The following ZNF227 variants were observed in gnomAD, a reference collection of about 807,000 sequenced individuals.
The protein encoded by ZNF227 is zinc finger protein 227.
Under a neutral mutation model 13.2 loss-of-function variants are expected in ZNF227, and 12 were observed. The observed-to-expected ratio is 0.91, with a 90% CI of 0.58 to 1.47. ZNF227 has a LOEUF of 1.47. Among genes scored for constraint, ZNF227 ranks in the 40% most tolerant of loss-of-function variants. The pLI, the probability that ZNF227 is intolerant of heterozygous loss-of-function variation, is 0.00. For synonymous variants in ZNF227, 338 were observed against 326.0 expected (o/e 1.04, Z -0.40); for missense variants, 885 against 967.5 (o/e 0.91, Z 1.13).
chr19:44,211,155 G>A (rs10405281), upstream of ZNF227, among the ~76,000 whole-genome samples: 25,459 of 151,274 alleles, frequency 0.17, 5,376 homozygotes, highest in African/African-American at 0.49. Context: ...ATGAGCCGAG[G>A]TCATGCCACT....
intron 2 of ZNF227, among the ~76,000 whole-genome samples, chr19:44,217,243 C>T (rs1971989096): frequency 6.6e-6 from 1 of 151,996 alleles, no homozygotes; most frequent in Non-Finnish European, 1.5e-5. Flanking sequence ...GGATTACAAG[C>T]ATGAGCCACT....
chr19:44,229,753 G>T lies in ZNF227; in HGVS notation c.208G>T (p.Asp70Tyr). 6.3e-7 allele frequency: 1 copy of T among 1,587,754 alleles called. No individual in the cohort carries two copies. The highest frequency in any genetic ancestry group is 8.6e-7 in the Non-Finnish European group (1 of 1,163,022). ...VAVGHLPFQPDMVSQLEAEEK... is the reference protein window; with the variant it reads ...VAVGHLPFQPYMVSQLEAEEK... ...CATAGGGCATCTTCCCTTCCAACCA[G>T]ATATGGTATCCCAATTGGAAGCAGA... The change falls in exon 5 of 6, where the codon GAT (aspartate) becomes TAT (tyrosine). Residue 70 changes from aspartate (D) to tyrosine (Y), a missense_variant. Transcript: ENST00000313040.
At position 44,217,761 on chromosome 19, in the gene ZNF227, G is replaced by A. The variant is rs183858428; in HGVS notation, c.-2-30G>A. 1.9e-5 allele frequency: 31 copies of A among 1,612,932 alleles called. No individual in the cohort carries two copies. In the South Asian group the frequency reaches 2.6e-4, roughly 14 times the overall value. ...GTACACATGGGCTAACAGCAGGCTT[G>A]TGTCTCATGGCGTCTTTGGTCTCCC... On this transcript the variant is annotated intron_variant, in intron 2 of 5. Transcript: ENST00000313040.
At chr19:44,223,707 A>G (rs376740577) in intron 3 of ZNF227, among the ~76,000 whole-genome samples, 1 of 151,974 alleles carries the variant, frequency 6.6e-6, no homozygotes, top group South Asian at 2.1e-4. Flanking sequence ...GATCTTTTCA[A>G]AAAACCAGCT....
chr19:44,230,926 A>AAAAAAAAAAAAAAAATATATATATAT (rs1555792168), intron 5 of ZNF227, among the ~76,000 whole-genome samples: 1 of 68,132 alleles, frequency 1.5e-5, no homozygotes, highest in African/African-American at 9.8e-5. Context: ...AAAAAAAAAA[A>AAAAAAAAAAAAAAAATATATATATAT]ATATATATAT....
In ZNF227 at chr19:44,235,153, G is replaced by C. The variant is rs201823982; in HGVS notation, c.723G>C (p.Gln241His). The change falls in exon 6 of 6, where the codon CAG becomes CAC. Residue 241 changes from glutamine (Q) to histidine (H), a missense_variant. By Grantham distance (24) the Gln-to-His change is conservative. Coordinates refer to ENST00000313040, the MANE Select transcript of ZNF227 (RefSeq NM_182490.3). ...AAATCATTAGTGATGGCTCCAATCA[G>C]AAATTACCCTTAGGAGAGAAACCCC... ...YGKIISDGSN[Q>H]KLPLGEKPHP... 3.7e-6 allele frequency: 6 copies of C among 1,614,150 alleles called. No individual in the cohort carries two copies. In the African/African-American group the frequency reaches 8.0e-5, roughly 22 times the overall value.
At chr19:44,207,676 G>A (rs985536640), upstream of ZNF227, 1 of 152,478 alleles carries the variant, frequency 6.6e-6, no homozygotes, top group African/African-American at 2.4e-5. Flanking sequence ...GAAGGCTAGA[G>A]AAGCTGTGGC....
rs755773663 is a variant in ZNF227, at chr19:44,235,180, T to G, written c.750T>G (p.His250Gln). ...NQKLPLGEKP[H>Q]PCGECGRGFS... ...AATTACCCTTAGGAGAGAAACCCCA[T>G]CCATGTGGTGAGTGTGGAAGGGGCT... The change falls in exon 6 of 6, where the codon CAT (histidine) becomes CAG (glutamine). Residue 250 changes from histidine to glutamine, a missense_variant. Coordinates refer to ENST00000313040, the MANE Select transcript of ZNF227 (RefSeq NM_182490.3). 1.9e-6 allele frequency: 3 copies of G among 1,614,072 alleles called. No individual in the cohort carries two copies. Among genetic ancestry groups the G allele is most frequent in the Non-Finnish European group, 2.5e-6 (3 of 1,180,020 alleles).
chr19:44,211,813 C>CTTTT (rs1176772105), upstream of ZNF227, among the ~76,000 whole-genome samples: 23 of 119,620 alleles, frequency 1.9e-4, no homozygotes, highest in African/African-American at 7.1e-4. Context: ...TTCCTCTGCC[C>CTTTT]TTTTTTTTTT....
intron 3 of ZNF227, among the ~76,000 whole-genome samples, chr19:44,218,858 A>T (rs1972152165): frequency 6.6e-6 from 1 of 152,308 alleles, no homozygotes; most frequent in Non-Finnish European, 1.5e-5. Context: ...ATTCACAGAG[A>T]TGAGCACATA....
intron 5 of ZNF227, among the ~76,000 whole-genome samples, chr19:44,232,358 C>T (rs912116202): frequency 2.6e-5 from 4 of 152,148 alleles, no homozygotes; most frequent in Non-Finnish European, 4.4e-5. Flanking sequence ...GTTTATATAT[C>T]GCTCTAAGTT....
chr19:44,217,784 C>T lies in ZNF227; in HGVS notation c.-2-7C>T, dbSNP rs753388922. 24 of 1,614,064 alleles carry T rather than the reference C, an allele frequency of 1.5e-5. No homozygotes were observed. Among genetic ancestry groups the T allele is most frequent in the South Asian group, 4.4e-5 (4 of 91,090 alleles). On this transcript the variant is annotated splice_polypyrimidine_tract_variant and splice_region_variant and intron_variant, in intron 2 of 5. Coordinates refer to ENST00000313040, the MANE Select transcript of ZNF227 (RefSeq NM_182490.3). ...TTGTGTCTCATGGCGTCTTTGGTCT[C>T]CCCCAGTTATGCCATCTCAGAACTA...
intron 3 of ZNF227, among the ~76,000 whole-genome samples, chr19:44,223,527 T>C (rs1049188248): frequency 6.6e-6 from 1 of 152,242 alleles, no homozygotes; most frequent in Non-Finnish European, 1.5e-5. Context: ...ATCCATTTCT[T>C]CTAGATTTTC....
Position 44,235,750 on chromosome 19 carries a change from G to A in ZNF227, c.1320G>A (p.Val440=). ...HTGEKPYKCD[V]CGKGFSHNSP... ...GAGAGAAACCCTACAAGTGTGATGT[G>A]TGTGGTAAGGGCTTCAGCCACAATT... Residue 440 remains valine, a synonymous_variant, in exon 6 of 6, where the codon GTG becomes GTA. Coordinates refer to ENST00000313040, the MANE Select transcript of ZNF227 (RefSeq NM_182490.3). 1.2e-6 allele frequency: 2 copies of A among 1,614,030 alleles called. No homozygotes were observed. The highest frequency in any genetic ancestry group is 2.2e-5 in the South Asian group (2 of 91,080).
upstream of ZNF227, among the ~76,000 whole-genome samples, chr19:44,211,360 A>T (rs1568586643): frequency 6.6e-6 from 1 of 152,246 alleles, no homozygotes; most frequent in Non-Finnish European, 1.5e-5. Flanking sequence ...CAGAATAAAG[A>T]ATATATATTT....
chr19:44,235,160 C>T lies in ZNF227; in HGVS notation c.730C>T (p.Pro244Ser), dbSNP rs1442012264. 6.2e-7 allele frequency: 1 copy of T among 1,614,104 alleles called. No homozygotes were observed. Among genetic ancestry groups the T allele is most frequent in the Admixed American group, 1.7e-5 (1 of 60,028 alleles). The change falls in exon 6 of 6, where the codon CCC becomes TCC. Residue 244 changes from proline (P) to serine (S), a missense_variant. Transcript: ENST00000313040. ...TAGTGATGGCTCCAATCAGAAATTA[C>T]CCTTAGGAGAGAAACCCCATCCATG... ...IISDGSNQKL[P>S]LGEKPHPCGE...
chr19:44,212,375 T>TG (rs1971421804), upstream of ZNF227, among the ~76,000 whole-genome samples: 1 of 104,032 alleles, frequency 9.6e-6, no homozygotes, highest in African/African-American at 3.7e-5. Context: ...CGTTTTTTTT[T>TG]TTGTTTTTTT....
chr19:44,235,153 G>A lies in ZNF227; in HGVS notation c.723G>A (p.Gln241=), dbSNP rs201823982. The part of the protein sequence containing the change: ...YGKIISDGSN[Q]KLPLGEKPHP... ...AAATCATTAGTGATGGCTCCAATCA[G>A]AAATTACCCTTAGGAGAGAAACCCC... The change falls in exon 6 of 6, where the codon CAG becomes CAA. Residue 241 remains glutamine, a synonymous_variant. Transcript: ENST00000313040. The A allele has an allele frequency of 7.4e-6, 12 of 1,614,032 alleles. No homozygotes were observed. Among genetic ancestry groups the A allele is most frequent in the Non-Finnish European group, 9.3e-6 (11 of 1,180,036 alleles).
rs1250075693 is a variant in ZNF227 at position 44,228,386 on chromosome 19, C to CA, written c.61-59dup. 4 of 1,558,748 alleles carry CA rather than the reference C, an allele frequency of 2.6e-6. No individual in the cohort carries two copies. The African/African-American group carries it at 5.6e-5, about 22-fold the overall frequency. On this transcript the variant is annotated intron_variant, in intron 3 of 5. Coordinates refer to ENST00000313040, the MANE Select transcript of ZNF227 (RefSeq NM_182490.3). ...GTGGTGCTCTTTTCCTTCTTGATGC[C>CA]ACCCTTCTTCTAGTGAAGGTTGGTT...
Sources: allele counts gnomAD v4.1 joint callset (sites outside exome capture counted in the v4.1 genomes callset), GRCh38; gene constraint gnomAD v4.1.1; transcripts MANE v1.5; gene names NCBI Gene and HGNC (gene_info 2026-07-23, HGNC 2026-07-21).